The following ARNT2 variants were observed in gnomAD, a reference collection of about 807,000 sequenced individuals.
The protein encoded by ARNT2 is aryl hydrocarbon receptor nuclear translocator 2, also known as ARNT protein 2.
ARNT2 carries 36 observed loss-of-function variants against 91.7 expected under a neutral mutation model. The observed-to-expected ratio is 0.39, with a 90% CI of 0.30 to 0.52. The LOEUF is 0.52. ARNT2 is among the 20% of genes least tolerant of loss of function. ARNT2 has a pLI of 0.72. For missense variants in ARNT2, 775 were observed against 939.3 expected, an observed-to-expected ratio of 0.83 and a Z score of 2.29; for synonymous variants, 365 against 347.1, an observed-to-expected ratio of 1.05 and a Z score of -0.57.
chr15:80,593,706 C>T lies in ARNT2; in HGVS notation c.*8C>T. 6.3e-7 allele frequency: 1 copy of T among 1,593,920 alleles called. No homozygotes were observed. The highest frequency in any genetic ancestry group is 8.6e-7 in the Non-Finnish European group (1 of 1,167,334). ...CCACCGTTTTCTGAGTAGCTGCGGC[C>T]AGAGTGAGGCTCCTGCTGTACAGTG... On this transcript the variant is annotated 3_prime_UTR_variant, in exon 19 of 19. Coordinates refer to ENST00000303329, the MANE Select transcript of ARNT2 (RefSeq NM_014862.4).
At chr15:80,456,305 C>T (rs3915817) in intron 2 of ARNT2, among the ~76,000 whole-genome samples, 1 of 152,002 alleles carries the variant, frequency 6.6e-6, no homozygotes, top group East Asian at 1.9e-4. Context: ...ACTGTTCTAC[C>T]CCATCTCCTC....
intron 1 of ARNT2, among the ~76,000 whole-genome samples, chr15:80,432,455 A>G (rs1488592431): frequency 2.0e-5 from 3 of 152,224 alleles, no homozygotes; most frequent in Non-Finnish European, 2.9e-5. Context: ...TGACATGTGG[A>G]AATTATTTGA....
rs77373981 is a variant in ARNT2, at chr15:80,511,521, TA to T, written c.726-2379del. Reference sequence around the variant, plus strand: ...CAAACCTGCACTTGAACTTAAAAACTAAAAAAAAAAAGATGCCCACAGACAC... The same window carrying T: ...CAAACCTGCACTTGAACTTAAAAACTAAAAAAAAAAGATGCCCACAGACAC... On this transcript the variant is annotated intron_variant, in intron 6 of 18. Coordinates refer to ENST00000303329, the MANE Select transcript of ARNT2 (RefSeq NM_014862.4). Among the ~76,000 whole-genome samples the T allele has an allele frequency of 7.9e-3, 1,120 of 142,568 alleles. 4 individuals are homozygous for T. Among genetic ancestry groups the T allele is most frequent in the Non-Finnish European group, 0.012 (773 of 64,822 alleles). 93.5% of individuals were successfully genotyped at this position (142,568 alleles called of 152,430 possible).
intron 1 of ARNT2, among the ~76,000 whole-genome samples, chr15:80,416,958 C>G (rs762929158): frequency 6.6e-6 from 1 of 152,032 alleles, no homozygotes; most frequent in Non-Finnish European, 1.5e-5. Flanking sequence ...ACACCATTTG[C>G]GAGTATAGGC....
Position 80,427,877 on chromosome 15 carries a change from G to C in ARNT2, c.32-23003G>C, listed in dbSNP as rs933148596. On this transcript the variant is annotated intron_variant, in intron 1 of 18. Coordinates refer to ENST00000303329, the MANE Select transcript of ARNT2 (RefSeq NM_014862.4). Reference sequence around the variant, plus strand: ...CTGTGACAATTATTCCTTGTCCCTGGATGTGTCATCAGAGGGAATACCATC... The same window carrying C: ...CTGTGACAATTATTCCTTGTCCCTGCATGTGTCATCAGAGGGAATACCATC... 1.3e-4 allele frequency among the ~76,000 whole-genome samples: 20 copies of C among 152,192 alleles called. No homozygotes were observed. The East Asian group carries it at 3.7e-3, about 28-fold the overall frequency.
At position 80,591,623 on chromosome 15, in the gene ARNT2, G is replaced by A. The variant is rs77894979; in HGVS notation, c.1974G>A (p.Ser658=). The A allele has an allele frequency of 8.8e-5, 142 of 1,614,182 alleles. No individual in the cohort carries two copies. Among genetic ancestry groups the A allele is most frequent in the East Asian group, 6.2e-4 (28 of 44,870 alleles). Residue 658 remains serine, a synonymous_variant, in exon 18 of 19, where the codon TCG becomes TCA. Transcript: ENST00000303329. This position sits in a 1 kb window ranked among gnomAD's most constrained non-coding sequence, Gnocchi z 5.1. ...QFQGRPSEVW[S]QWQSQHHGQQ... ...AAGGGCGGCCCTCGGAAGTCTGGTC[G>A]CAGTGGCAAAGCCAGCACCATGGCC...
intron 5 of ARNT2, among the ~76,000 whole-genome samples, chr15:80,491,816 T>A (rs1897061010): frequency 6.7e-6 from 1 of 150,250 alleles, no homozygotes; most frequent in Non-Finnish European, 1.5e-5. Flanking sequence ...TTTTTTTTTT[T>A]TTTTTAAGTA....
intron 11 of ARNT2, among the ~76,000 whole-genome samples, chr15:80,562,130 A>G (rs1338602104): frequency 6.6e-6 from 1 of 150,628 alleles, no homozygotes; most frequent in Non-Finnish European, 1.5e-5. Context: ...GCTGGAGTGC[A>G]GTGACGCAAT....
intron 14 of ARNT2, among the ~76,000 whole-genome samples, chr15:80,576,567 A>G (rs1898678759): frequency 6.6e-6 from 1 of 152,210 alleles, no homozygotes; most frequent in South Asian, 2.1e-4. Flanking sequence ...GCAAGCCACC[A>G]TGCCTAGCCT....
At chr15:80,457,204 G>A (rs1054414233) in intron 2 of ARNT2, among the ~76,000 whole-genome samples, 2 of 152,118 alleles carry the variant, frequency 1.3e-5, no homozygotes, top group Non-Finnish European at 2.9e-5. Flanking sequence ...AAGTCTTTTT[G>A]TCTTATGTTT....
chr15:80,462,749 A>C (rs1032573419), intron 3 of ARNT2, among the ~76,000 whole-genome samples: 1 of 152,212 alleles, frequency 6.6e-6, no homozygotes, highest in Non-Finnish European at 1.5e-5. Flanking sequence ...TGTAGCACCC[A>C]GTTGCACCAG....
chr15:80,551,931 C>T (rs774046231), intron 9 of ARNT2, among the ~76,000 whole-genome samples: 26 of 152,154 alleles, frequency 1.7e-4, no homozygotes, highest in Non-Finnish European at 2.8e-4. Context: ...TGCTCATCCC[C>T]GCAAGCTCCT....
chr15:80,555,355 G>A lies in ARNT2; in HGVS notation c.1164+216G>A, dbSNP rs554813298. ...TATGTAATAGGAGGAGAACTCTAAA[G>A]GGTCATGAAGAAAAACATTGCAGAG... On this transcript the variant is annotated intron_variant, in intron 11 of 18. Transcript: ENST00000303329. The A allele has an allele frequency of 2.3e-5, 12 of 514,086 alleles. No individual in the cohort carries two copies. The East Asian group carries it at 3.2e-4, about 14-fold the overall frequency. 31.8% of individuals were successfully genotyped at this position (514,086 alleles called of 1,614,324 possible).
At chr15:80,452,592 C>T (rs534334191) in intron 2 of ARNT2, among the ~76,000 whole-genome samples, 19 of 152,326 alleles carry the variant, frequency 1.2e-4, no homozygotes, top group African/African-American at 3.4e-4. Flanking sequence ...CACTCTAACT[C>T]GCATTCCCTG....
At chr15:80,459,481 C>T (rs1456095744) in intron 3 of ARNT2, among the ~76,000 whole-genome samples, 2 of 152,114 alleles carry the variant, frequency 1.3e-5, no homozygotes, top group Admixed American at 6.5e-5. Context: ...TTGGTTCCTC[C>T]GTGTCAAAAT....
rs777125466 is a variant in ARNT2, at chr15:80,470,391, C to A, written c.368C>A (p.Ser123Tyr). ...TCCATGAGGGGTACAGGGAACAAGT[C>A]CACCGATGGCGCGTACAAGCCTTCC... The part of the protein sequence containing the change: ...MKSMRGTGNK[S>Y]TDGAYKPSFL... Residue 123 changes from serine (S) to tyrosine (Y), a missense_variant, in exon 4 of 19, where the codon TCC becomes TAC. By Grantham distance (144) the Ser-to-Tyr change is moderately radical (BLOSUM62 -2). Transcript: ENST00000303329. 18 of 1,614,050 alleles carry A rather than the reference C, an allele frequency of 1.1e-5. No homozygotes were observed. The highest frequency in any genetic ancestry group is 1.5e-5 in the Non-Finnish European group (18 of 1,180,044).
rs1893284047 is a variant in ARNT2 at position 80,591,746 on chromosome 15, TTC to T, written c.2055+48_2055+49del. ...CCGCCTTCTCGTAGGTACCGGCGCC[TTC>T]TCTCTGCTTCCTTTCCCCCTCGGTC... On this transcript the variant is annotated intron_variant, in intron 18 of 18. Transcript: ENST00000303329. This position sits in a 1 kb window ranked among gnomAD's most constrained non-coding sequence, Gnocchi z 5.1. 6.2e-7 allele frequency: 1 copy of T among 1,608,442 alleles called. No individual in the cohort carries two copies. The highest frequency in any genetic ancestry group is 1.3e-5 in the African/African-American group (1 of 74,802).
chr15:80,530,147 T>C (rs1897712606), intron 8 of ARNT2, among the ~76,000 whole-genome samples: 3 of 152,094 alleles, frequency 2.0e-5, no homozygotes, highest in African/African-American at 7.2e-5. Flanking sequence ...CTTTTGAGAG[T>C]TGAGAATGGT....
intron 2 of ARNT2, among the ~76,000 whole-genome samples, chr15:80,457,205 T>C (rs1024547428): frequency 1.3e-5 from 2 of 152,236 alleles, no homozygotes. Context: ...AGTCTTTTTG[T>C]CTTATGTTTA....
Sources: allele counts gnomAD v4.1 joint callset (sites outside exome capture counted in the v4.1 genomes callset), GRCh38; gene constraint gnomAD v4.1.1; non-coding constraint Gnocchi (gnomAD v3.1); transcripts MANE v1.5; gene names NCBI Gene and HGNC (gene_info 2026-07-23, HGNC 2026-07-21).